Variants in CFAP44 observed in about 807,000 individuals in gnomAD.
CFAP44 encodes cilia- and flagella-associated protein 44.
In CFAP44, 134 loss-of-function variants were observed where a neutral mutation model predicts 216.2. The observed-to-expected ratio is 0.62, with a 90% CI of 0.54 to 0.72. The LOEUF is 0.72. CFAP44 is among the 30% of genes least tolerant of loss of function. The pLI is 0.00. For synonymous variants in CFAP44, 700 were observed against 727.6 expected (o/e 0.96, Z 0.61); for missense variants, 2,035 against 2,182.1 (o/e 0.93, Z 1.34).
At chr3:113,321,740 A>G (rs1170947695) in intron 28 of CFAP44, among the ~76,000 whole-genome samples, 1 of 152,242 alleles carries the variant, frequency 6.6e-6, no homozygotes, top group Non-Finnish European at 1.5e-5. Flanking sequence ...TCTGAAAATC[A>G]AATCAAGAAT....
intron 1 of CFAP44, among the ~76,000 whole-genome samples, chr3:113,436,294 T>C (rs1446293950): frequency 6.6e-6 from 1 of 152,170 alleles, no homozygotes; most frequent in African/African-American, 2.4e-5. Context: ...AGTTTGGTTA[T>C]AAATGACCAC....
At chr3:113,346,429 G>C (rs1447277750) in intron 22 of CFAP44, among the ~76,000 whole-genome samples, 1 of 149,016 alleles carries the variant, frequency 6.7e-6, no homozygotes, top group African/African-American at 2.5e-5. Flanking sequence ...CTGTAAAAAA[G>C]CACCAATCAG....
At chr3:113,377,196 A>G (rs1933369829) in intron 17 of CFAP44, among the ~76,000 whole-genome samples, 1 of 152,248 alleles carries the variant, frequency 6.6e-6, no homozygotes, top group African/African-American at 2.4e-5. Flanking sequence ...TAATTTGGAA[A>G]GTGAATATGG....
chr3:113,340,764 A>T (rs1018725891), intron 24 of CFAP44, among the ~76,000 whole-genome samples: 1 of 151,986 alleles, frequency 6.6e-6, no homozygotes, highest in African/African-American at 2.4e-5. Flanking sequence ...GCTCAATTAG[A>T]CCCCCTTCCT....
At chr3:113,433,448 AAAAAAAAAG>A in intron 2 of CFAP44, 108 bp downstream of exon 2, 3 of 444,700 alleles carry the variant, frequency 6.7e-6, no homozygotes, top group Non-Finnish European at 1.1e-5. Context: ...AAAAAAAAAA[AAAAAAAAAG>A]ATCTATTTTA....
intron 4 of CFAP44, among the ~76,000 whole-genome samples, chr3:113,424,578 A>G (rs1934908983): frequency 6.6e-6 from 1 of 152,222 alleles, no homozygotes; most frequent in Non-Finnish European, 1.5e-5. Context: ...CTCACAAGAT[A>G]TAGAGATTAT....
At chr3:113,423,594 G>A (rs1296149174) in intron 4 of CFAP44, among the ~76,000 whole-genome samples, 2 of 152,066 alleles carry the variant, frequency 1.3e-5, no homozygotes, top group African/African-American at 4.8e-5. Flanking sequence ...AAGACCTAAA[G>A]CTTTCAATGT....
At chr3:113,418,480 CCAAA>C (rs1293742883) in intron 5 of CFAP44, among the ~76,000 whole-genome samples, 1 of 152,050 alleles carries the variant, frequency 6.6e-6, no homozygotes, top group Non-Finnish European at 1.5e-5. Context: ...GGTAGGGTGC[CCAAA>C]CACTTTTCTC....
At chr3:113,379,691 G>T in intron 16 of CFAP44, 140 bp from the exon 17 acceptor site, 1 of 611,338 alleles carries the variant, frequency 1.6e-6, no homozygotes, top group Non-Finnish European at 2.5e-6. Context: ...ACCAATGCGA[G>T]AATATATTTT....
At chr3:113,300,826 A>T (rs1308365868) in intron 32 of CFAP44, among the ~76,000 whole-genome samples, 1 of 152,142 alleles carries the variant, frequency 6.6e-6, no homozygotes, top group Non-Finnish European at 1.5e-5. Context: ...GTTTGGCAAA[A>T]ATTCAAAGTC....
intron 28 of CFAP44, among the ~76,000 whole-genome samples, chr3:113,324,672 C>T (rs1950174363): frequency 6.6e-6 from 1 of 151,988 alleles, no homozygotes; most frequent in African/African-American, 2.4e-5. Flanking sequence ...GAAAATAAAG[C>T]AAGAATGTCA....
At chr3:113,435,187 G>A (rs926221667) in intron 1 of CFAP44, among the ~76,000 whole-genome samples, 1 of 152,010 alleles carries the variant, frequency 6.6e-6, no homozygotes, top group African/African-American at 2.4e-5. Context: ...GTAAGACCCT[G>A]TCTGTATTAG....
At chr3:113,296,683 C>T (rs1437965852) in intron 33 of CFAP44, 42 bp downstream of exon 33, 3 of 1,525,972 alleles carry the variant, frequency 2.0e-6, no homozygotes, top group Non-Finnish European at 2.6e-6. Context: ...TTCTTGCCTC[C>T]AGCCAGATTC....
At position 113,344,641 on chromosome 3, in the gene CFAP44, T is replaced by C; in HGVS notation, c.3137A>G (p.Tyr1046Cys). Reference protein sequence around the residue: ...AILSDHKISSYRLVQPSKYSK... With the variant: ...AILSDHKISSCRLVQPSKYSK... ...GTACTTAGAGGGCTGCACCAGCCTGTAAGAGGATATCTTGTGGTCACTCAG... is the reference window on the plus strand; with the variant it reads ...GTACTTAGAGGGCTGCACCAGCCTGCAAGAGGATATCTTGTGGTCACTCAG... The change falls in exon 23 of 35, where the codon TAC becomes TGC. Residue 1046 changes from tyrosine (Y) to cysteine (C), a missense_variant. Tyr to Cys is a radical substitution (Grantham distance 194). This residue lies in a region of CFAP44 where 1,883 missense variants were observed against 2,023.7 expected (regional missense o/e 0.93). Transcript: ENST00000393845. The C allele has an allele frequency of 1.3e-6, 2 of 1,537,100 alleles. No homozygotes were observed. The highest frequency in any genetic ancestry group is 1.7e-6 in the Non-Finnish European group (2 of 1,146,844).
In CFAP44 at chr3:113,326,656, C is replaced by A; in HGVS notation, c.4321-16G>T. Reference sequence around the variant, plus strand: ...TTATTTTCCACTAAATGAATAAAAACAAGGACAAATGATAAATATTTCTGA... The same window carrying A: ...TTATTTTCCACTAAATGAATAAAAAAAAGGACAAATGATAAATATTTCTGA... On this transcript the variant is annotated splice_polypyrimidine_tract_variant and intron_variant, in intron 27 of 34. Transcript: ENST00000393845. 7.0e-7 allele frequency: 1 copy of A among 1,424,516 alleles called. No homozygotes were observed. The highest frequency in any genetic ancestry group is 2.5e-5 in the East Asian group (1 of 39,640). 88.2% of individuals were successfully genotyped at this position (1,424,516 alleles called of 1,614,324 possible). A position where few individuals can be genotyped will look rare whatever the true frequency, so the allele number is the denominator to read the frequency against.
At chr3:113,433,489 C>G (rs1265128118) in intron 2 of CFAP44, 76 bp downstream of exon 2, 1 of 413,268 alleles carries the variant, frequency 2.4e-6, no homozygotes, top group Non-Finnish European at 4.4e-6. Flanking sequence ...TCTTTCCATT[C>G]TACTATAAAA....
rs533743755 is a variant in CFAP44 at position 113,296,668 on chromosome 3, G to A, written c.5238+57C>T. On this transcript the variant is annotated intron_variant, in intron 33 of 34. Coordinates refer to ENST00000393845, the MANE Select transcript of CFAP44 (RefSeq NM_001164496.2). The stretch of plus-strand genomic sequence containing the variant: ...TCATGGGTACCACTTCCTGCTCCCT[G>A]GGATTTCTTGCCTCCAGCCAGATTC... 3.0e-5 allele frequency: 46 copies of A among 1,516,656 alleles called. No individual in the cohort carries two copies. In the South Asian group the frequency reaches 4.9e-4, roughly 16 times the overall value. 93.9% of individuals were successfully genotyped at this position (1,516,656 alleles called of 1,614,324 possible). A position where few individuals can be genotyped will look rare whatever the true frequency, so the allele number is the denominator to read the frequency against.
chr3:113,328,696 TAAAAAA>T lies in CFAP44; in HGVS notation c.4117-883_4117-878del, dbSNP rs58650082. 1.8e-4 allele frequency among the ~76,000 whole-genome samples: 5 copies of T among 28,532 alleles called. No individual in the cohort carries two copies. In the Admixed American group the frequency reaches 2.7e-3, roughly 15 times the overall value. 18.7% of individuals were successfully genotyped at this position (28,532 alleles called of 152,430 possible). ...AACTACCAGAGAAATTTAGAGAGCT[TAAAAAA>T]AAAAAAAAAAAAAAAAAAAAAAAAA... On this transcript the variant is annotated intron_variant, in intron 26 of 34. Coordinates refer to ENST00000393845, the MANE Select transcript of CFAP44 (RefSeq NM_001164496.2).
Position 113,363,223 on chromosome 3 carries a change from G to C in CFAP44, c.2856C>G (p.Ile952Met). 6.2e-7 allele frequency: 1 copy of C among 1,613,400 alleles called. No individual in the cohort carries two copies. Among genetic ancestry groups the C allele is most frequent in the Non-Finnish European group, 8.5e-7 (1 of 1,179,788 alleles). Residue 952 changes from isoleucine (I) to methionine (M), a missense_variant, in exon 21 of 35, where the codon ATC (isoleucine) becomes ATG (methionine). Transcript: ENST00000393845. ...TACAAAATTCACTCCTCAAAGCTTTGATTTGCTCTCTCTTCCGTGCCTTTA... is the reference window on the plus strand; with the variant it reads ...TACAAAATTCACTCCTCAAAGCTTTCATTTGCTCTCTCTTCCGTGCCTTTA... ...GEIKARKREQIKALRSEFCNL... is the reference protein window; with the variant it reads ...GEIKARKREQMKALRSEFCNL...
Sources: allele counts gnomAD v4.1 joint callset (sites outside exome capture counted in the v4.1 genomes callset), GRCh38; gene constraint gnomAD v4.1.1; regional missense constraint gnomAD v4.1.1; transcripts MANE v1.5; gene names NCBI Gene and HGNC (gene_info 2026-07-23, HGNC 2026-07-21).